Variants in GALNT3 observed in about 807,000 individuals in gnomAD.
GALNT3 encodes the protein polypeptide N-acetylgalactosaminyltransferase 3, also known as GalNAc transferase 3.
Under a neutral mutation model 69.8 loss-of-function variants are expected in GALNT3, and 51 were observed. That is an observed-to-expected ratio of 0.73 (90% CI 0.58 to 0.92). The LOEUF is 0.92. Ranked by LOEUF, GALNT3 falls within the 40% of genes least tolerant of loss-of-function variation. The probability of loss-of-function intolerance (pLI) is 0.00; values close to 1 mark genes in which losing one functional copy is unlikely to be tolerated. For missense variants in GALNT3, 711 were observed against 760.0 expected (o/e 0.94, Z 0.76); for synonymous variants, 265 against 248.5 (o/e 1.07, Z -0.63).
chr2:165,767,213 T>A (rs963624080), intron 2 of GALNT3, among the ~76,000 whole-genome samples: 3 of 151,600 alleles, frequency 2.0e-5, no homozygotes, highest in African/African-American at 7.3e-5. Flanking sequence ...ATAACCAACA[T>A]AAACTAGAAG....
rs137893523 is a variant in GALNT3 at position 165,754,392 on chromosome 2, CTTTTT to C, written c.1626+230_1626+234del. Among the ~76,000 whole-genome samples, 239 of 61,152 alleles carry C rather than the reference CTTTTT, an allele frequency of 3.9e-3. 2 individuals carry two copies. Among genetic ancestry groups the C allele is most frequent in the African/African-American group, 0.013 (232 of 17,330 alleles). 40.1% of individuals were successfully genotyped at this position (61,152 alleles called of 152,430 possible). On this transcript the variant is annotated intron_variant, in intron 9 of 10. Transcript: ENST00000392701. ...GGCGTGAGCCACTCAGCTCGGCCTC[CTTTTT>C]TTTTTTTTTTTTTTTTTTTTAATGG... is the stretch of plus-strand genomic sequence containing the variant.
intron 1 of GALNT3, among the ~76,000 whole-genome samples, chr2:165,792,997 T>C (rs1189421193): frequency 6.6e-6 from 1 of 152,164 alleles, no homozygotes; most frequent in East Asian, 1.9e-4. Context: ...GCAAGTTATG[T>C]TAACGTTTTC....
At chr2:165,793,810 C>A (rs1225493900) in intron 1 of GALNT3, 2 of 153,036 alleles carry the variant, frequency 1.3e-5, no homozygotes, top group Admixed American at 1.3e-4. Context: ...CGGGCTCCCC[C>A]CCGAGGCGCC....
At chr2:165,777,113 T>C (rs1024998676) in intron 1 of GALNT3, among the ~76,000 whole-genome samples, 1 of 152,184 alleles carries the variant, frequency 6.6e-6, no homozygotes, top group Admixed American at 6.5e-5. Context: ...AAGATAGTGG[T>C]TCCTCTCACT....
At position 165,758,859 on chromosome 2, in the gene GALNT3, G is replaced by A. The variant is rs377053222; in HGVS notation, c.1079C>T (p.Pro360Leu). The change falls in exon 6 of 11, where the codon CCC becomes CTC. Residue 360 changes from proline (P) to leucine (L), a missense_variant. Coordinates refer to ENST00000392701, the MANE Select transcript of GALNT3 (RefSeq NM_004482.4). ...RKDETYPIKTPTFAGGLFSIS... is the reference protein window; with the variant it reads ...RKDETYPIKTLTFAGGLFSIS... ...GGAAAAAAGTCCTCCTGCAAAAGTG[G>A]GTGTTCTGAAAAATAATCCATTGTC... 1.4e-5 allele frequency: 22 copies of A among 1,584,838 alleles called. No individual in the cohort carries two copies. Among genetic ancestry groups the A allele is most frequent in the Non-Finnish European group, 1.8e-5 (21 of 1,153,922 alleles).
At chr2:165,774,053 A>T (rs1259689333) in intron 1 of GALNT3, among the ~76,000 whole-genome samples, 1 of 152,190 alleles carries the variant, frequency 6.6e-6, no homozygotes, top group Non-Finnish European at 1.5e-5. Flanking sequence ...ATAATAGGGC[A>T]GCAACCTCAC....
In GALNT3 at chr2:165,758,604, T is replaced by A. The variant is rs4667493; in HGVS notation, c.1191+143A>T. The A allele has an allele frequency of 0.01, 6,157 of 614,856 alleles. 196 individuals carry two copies. Among genetic ancestry groups the A allele is most frequent in the East Asian group, 0.076 (2,697 of 35,528 alleles). The allele number at this position is 614,856 out of a possible 1,614,324, so 38.1% of individuals were successfully genotyped here. On this transcript the variant is annotated intron_variant, in intron 6 of 10. Coordinates refer to ENST00000392701, the MANE Select transcript of GALNT3 (RefSeq NM_004482.4). Reference sequence around the variant, plus strand: ...AGTTACATATTAAAAGAAAATATTCTTATTCCAAAATTTCCAGCAATTAAG... The same window carrying A: ...AGTTACATATTAAAAGAAAATATTCATATTCCAAAATTTCCAGCAATTAAG...
At chr2:165,753,868 C>G (rs1236086289) in intron 9 of GALNT3, among the ~76,000 whole-genome samples, 1 of 152,028 alleles carries the variant, frequency 6.6e-6, no homozygotes, top group East Asian at 1.9e-4. Flanking sequence ...AATATTGTGG[C>G]CCACAAAATT....
chr2:165,773,086 C>T (rs1293507847), intron 1 of GALNT3, among the ~76,000 whole-genome samples: 1 of 152,108 alleles, frequency 6.6e-6, no homozygotes, highest in African/African-American at 2.4e-5. Flanking sequence ...AACAACAGGA[C>T]TTGGTGAGAG....
chr2:165,786,257 A>G (rs1683217755), intron 1 of GALNT3, among the ~76,000 whole-genome samples: 1 of 152,244 alleles, frequency 6.6e-6, no homozygotes, highest in Non-Finnish European at 1.5e-5. Flanking sequence ...ATTTAAATAA[A>G]TGAAAGTAGT....
chr2:165,756,981 G>T (rs949574825), intron 7 of GALNT3, 66 bp downstream of exon 7: 3 of 1,234,926 alleles, frequency 2.4e-6, no homozygotes, highest in African/African-American at 3.0e-5. Flanking sequence ...GAGATGAATC[G>T]ACGCAAAAGG....
intron 1 of GALNT3, among the ~76,000 whole-genome samples, chr2:165,780,244 T>C (rs1039058735): frequency 1.3e-5 from 2 of 152,134 alleles, no homozygotes; most frequent in Non-Finnish European, 2.9e-5. Flanking sequence ...ACTTGATTAT[T>C]AAGAGCCTCC....
Position 165,749,743 on chromosome 2 carries a change from T to G in GALNT3, c.1778A>C (p.Lys593Thr). The G allele has an allele frequency of 6.2e-7, 1 of 1,613,214 alleles. No homozygotes were observed. Among genetic ancestry groups the G allele is most frequent in the Non-Finnish European group, 8.5e-7 (1 of 1,179,248 alleles). The part of the protein sequence containing the change: ...VTGEQIWEIQ[K>T]DQLLYNPFLK... Reference sequence around the variant, plus strand: ...GATGAATTAATTGCACTGAGGTACCTTCTGGATCTCCCATATCTGCTCTCC... The same window carrying G: ...GATGAATTAATTGCACTGAGGTACCGTCTGGATCTCCCATATCTGCTCTCC... The change falls in exon 10 of 11, where the codon AAG becomes ACG. Residue 593 changes from lysine to threonine, a missense_variant and splice_region_variant. Coordinates refer to ENST00000392701, the MANE Select transcript of GALNT3 (RefSeq NM_004482.4).
Position 165,751,014 on chromosome 2 carries a change from A to C in GALNT3, c.1627-1120T>G, listed in dbSNP as rs146566536. 7.5e-3 allele frequency among the ~76,000 whole-genome samples: 1,135 copies of C among 152,278 alleles called. 39 individuals are homozygous for C. Among genetic ancestry groups the C allele is most frequent in the Admixed American group, 0.061 (930 of 15,282 alleles). ...AATCTTTTCAAGGTTCCCATAGTAC[A>C]TCAGAGATAACTTTTCTAGCACTCT... On this transcript the variant is annotated intron_variant, in intron 9 of 10. Transcript: ENST00000392701.
chr2:165,763,088 C>T (rs1163040589), intron 3 of GALNT3, among the ~76,000 whole-genome samples: 1 of 151,940 alleles, frequency 6.6e-6, no homozygotes, highest in African/African-American at 2.4e-5. Context: ...GGTTGAGCCA[C>T]TGCGCCCAGC....
At chr2:165,762,094 C>A (rs1404064021) in intron 3 of GALNT3, 40 bp from the exon 4 acceptor site, 8 of 1,375,370 alleles carry the variant, frequency 5.8e-6, no homozygotes, top group African/African-American at 2.9e-5. Context: ...TTTCTAAATG[C>A]ATTTTCATAT....
intron 1 of GALNT3, among the ~76,000 whole-genome samples, chr2:165,788,936 C>G (rs1311696137): frequency 6.6e-6 from 1 of 152,190 alleles, no homozygotes; most frequent in Non-Finnish European, 1.5e-5. Context: ...AGATCATCCT[C>G]ATCCTCCAGA....
intron 1 of GALNT3, among the ~76,000 whole-genome samples, chr2:165,782,781 A>G (rs1441942621): frequency 6.6e-6 from 1 of 152,178 alleles, no homozygotes; most frequent in Non-Finnish European, 1.5e-5. Context: ...AAATGGCTAC[A>G]GGTCCCTTTG....
chr2:165,782,247 T>A (rs1293712119), intron 1 of GALNT3, among the ~76,000 whole-genome samples: 1 of 152,136 alleles, frequency 6.6e-6, no homozygotes, highest in Non-Finnish European at 1.5e-5. Context: ...AGCTCTCCTA[T>A]CACATGGTCC....
Sources: gnomAD v4.1 joint callset for allele counts (sites outside exome capture counted in the v4.1 genomes callset) on GRCh38, gnomAD v4.1.1 for gene constraint, MANE v1.5 for transcripts, NCBI Gene and HGNC (gene_info 2026-07-23, HGNC 2026-07-21) for gene names.